AGMAT: variants seen among roughly 807,000 people sequenced by gnomAD.
AGMAT encodes agmatinase (putative).
AGMAT carries 37 observed loss-of-function variants against 29.3 expected under a neutral mutation model. The observed-to-expected ratio is 1.26, with a 90% CI of 0.97 to 1.66. The LOEUF is 1.66. Ranked by LOEUF, AGMAT falls within the 40% of genes most tolerant of loss-of-function variation. AGMAT has a pLI of 0.00. For missense variants in AGMAT, 498 were observed against 497.8 expected (o/e 1.00, Z 0.00); for synonymous variants, 199 against 200.8 (o/e 0.99, Z 0.08).
In AGMAT at chr1:15,574,631, G is replaced by A. The variant is rs967754141; in HGVS notation, c.985+126C>T. ...GACCTCAGGTGAGCTGCCCACCTTG[G>A]CCTCCCAAAGTGCTGGGATTACAGG... On this transcript the variant is annotated intron_variant, in intron 6 of 6. Transcript: ENST00000375826. 30 of 786,650 alleles carry A rather than the reference G, an allele frequency of 3.8e-5. No homozygotes were observed. In the African/African-American group the frequency reaches 4.3e-4, roughly 11 times the overall value. 48.7% of individuals were successfully genotyped at this position (786,650 alleles called of 1,614,324 possible).
At chr1:15,577,974 C>A in intron 4 of AGMAT, 110 bp from the exon 5 acceptor site, 1 of 1,043,548 alleles carries the variant, frequency 9.6e-7, no homozygotes. Context: ...CCTCCATCTC[C>A]ATGAAGAGGG....
chr1:15,579,118 C>T (rs760426939), intron 3 of AGMAT, 64 bp from the exon 4 acceptor site: 28 of 1,516,678 alleles, frequency 1.8e-5, no homozygotes, highest in East Asian at 1.2e-4. Context: ...AGCCACCCTT[C>T]GGGCCACCAA....
At chr1:15,575,077 T>C (rs1639018570) in intron 5 of AGMAT, 4 of 428,564 alleles carry the variant, frequency 9.3e-6, no homozygotes, top group South Asian at 7.4e-5. Flanking sequence ...ACCAATCGTT[T>C]CAATGTCATG....
rs1373962696 is a variant in AGMAT, at chr1:15,578,841, G to A, written c.720+18C>T. ...AGACATTTTGAGGGGCAAGGGTGGG[G>A]GGCATTCGGTCTGTCACCTGGCTCC... On this transcript the variant is annotated intron_variant, in intron 4 of 6. Coordinates refer to ENST00000375826, the MANE Select transcript of AGMAT (RefSeq NM_024758.5). 2 of 1,611,050 alleles carry A rather than the reference G, an allele frequency of 1.2e-6. No individual in the cohort carries two copies. The highest frequency in any genetic ancestry group is 3.3e-5 in the Admixed American group (2 of 59,904).
At chr1:15,576,767 T>TTTTG (rs1639045791) in intron 5 of AGMAT, among the ~76,000 whole-genome samples, 1 of 104,526 alleles carries the variant, frequency 9.6e-6, no homozygotes, top group African/African-American at 4.3e-5. Context: ...TTTTTTTTTT[T>TTTTG]GAGATGGAGT....
chr1:15,577,892 T>G (rs1388809203), intron 4 of AGMAT, 28 bp from the exon 5 acceptor site: 1 of 1,604,802 alleles, frequency 6.2e-7, no homozygotes. Context: ...GAGGTTTCTG[T>G]CTGGCAGCAT....
chr1:15,585,004 C>T lies in AGMAT; in HGVS notation c.-37G>A. On this transcript the variant is annotated 5_prime_UTR_variant, in exon 1 of 7. Coordinates refer to ENST00000375826, the MANE Select transcript of AGMAT (RefSeq NM_024758.5). Reference sequence around the variant, plus strand: ...GCCAAGACCTCACCGACCAAACCGCCCGCGAGGCCGCCGCGATCTGGCTGG... The same window carrying T: ...GCCAAGACCTCACCGACCAAACCGCTCGCGAGGCCGCCGCGATCTGGCTGG... The T allele has an allele frequency of 2.3e-6, 3 of 1,279,618 alleles. No individual in the cohort carries two copies. The highest frequency in any genetic ancestry group is 2.6e-5 in the South Asian group (1 of 38,476). 79.3% of individuals were successfully genotyped at this position (1,279,618 alleles called of 1,614,324 possible).
intron 6 of AGMAT, among the ~76,000 whole-genome samples, chr1:15,574,314 T>C (rs980627275): frequency 2.0e-5 from 3 of 151,990 alleles, no homozygotes; most frequent in Admixed American, 6.6e-5. Context: ...TGTGCAGTAA[T>C]AGGTGTGTTT....
rs1334768944 is a variant in AGMAT, at chr1:15,571,737, TG to T, written c.*1913del. 1 of 152,282 alleles carries T rather than the reference TG, an allele frequency of 6.6e-6. No homozygotes were observed. Among genetic ancestry groups the T allele is most frequent in the African/African-American group, 2.4e-5 (1 of 41,458 alleles). The allele number at this position is 152,282 out of a possible 1,614,324, so 9.4% of individuals were successfully genotyped here. ...AAACTATTTTAATGTCTGATAATTA[TG>T]GGGTAGCCCTTGCATTGCAAGATGA... On this transcript the variant is annotated 3_prime_UTR_variant, in exon 7 of 7. Transcript: ENST00000375826.
intron 3 of AGMAT, among the ~76,000 whole-genome samples, chr1:15,579,457 C>T (rs1639083466): frequency 6.6e-6 from 1 of 152,108 alleles, no homozygotes; most frequent in African/African-American, 2.4e-5. Flanking sequence ...TGCCAGCCAC[C>T]CAAAATAAAC....
chr1:15,578,013 G>A (rs1639062747), intron 4 of AGMAT, 149 bp from the exon 5 acceptor site: 1 of 752,728 alleles, frequency 1.3e-6, no homozygotes, highest in East Asian at 2.7e-5. Context: ...GTGAGGAAGG[G>A]AGGGACAATG....
chr1:15,576,740 CTTTTTTTTTTTTTT>C (rs59203066), intron 5 of AGMAT, among the ~76,000 whole-genome samples: 2 of 35,800 alleles, frequency 5.6e-5, no homozygotes, highest in East Asian at 1.9e-3. Context: ...GTTTAGTGTT[CTTTTTTTTTTTTTT>C]TTTTTTTTTT....
Position 15,574,778 on chromosome 1 carries a change from A to T in AGMAT, c.964T>A (p.Ser322Thr). The change falls in exon 6 of 7, where the codon TCA becomes ACA. Residue 322 changes from serine to threonine, a missense_variant. Coordinates refer to ENST00000375826, the MANE Select transcript of AGMAT (RefSeq NM_024758.5). ...NVMGCDLVEV[S>T]PPYDLSGNTA... is the part of the protein sequence containing the mutation. ...TCACCAGAAAGATCATACGGTGGTGAAACTTCGACAAGATCACAGCCCATC... is the reference window on the plus strand; with the variant it reads ...TCACCAGAAAGATCATACGGTGGTGTAACTTCGACAAGATCACAGCCCATC... 1.9e-6 allele frequency: 3 copies of T among 1,613,936 alleles called. No individual in the cohort carries two copies. The highest frequency in any genetic ancestry group is 2.5e-6 in the Non-Finnish European group (3 of 1,179,866).
At position 15,584,937 on chromosome 1, in the gene AGMAT, G is replaced by A; in HGVS notation, c.31C>T (p.Arg11Trp). MLRLLASGCA[R>W]GPGPGVGARP... The stretch of plus-strand genomic sequence containing the variant: ...GCGCCCACGCCGGGCCCCGGGCCCC[G>A]GGCGCACCCGGACGCCAGCAGCCTC... The change falls in exon 1 of 7, where the codon CGG becomes TGG. Residue 11 changes from arginine to tryptophan, a missense_variant. Arg to Trp is a moderately radical substitution (Grantham distance 101). Transcript: ENST00000375826. 2 of 1,365,840 alleles carry A rather than the reference G, an allele frequency of 1.5e-6. No homozygotes were observed. The highest frequency in any genetic ancestry group is 3.5e-5 in the South Asian group (2 of 56,530). The allele number at this position is 1,365,840 out of a possible 1,614,324, so 84.6% of individuals were successfully genotyped here. A position where few individuals can be genotyped will look rare whatever the true frequency, so the allele number is the denominator to read the frequency against.
chr1:15,573,330 A>T lies in AGMAT; in HGVS notation c.*321T>A. 2 of 249,554 alleles carry T rather than the reference A, an allele frequency of 8.0e-6. No homozygotes were observed. Among genetic ancestry groups the T allele is most frequent in the Non-Finnish European group, 1.6e-5 (2 of 126,636 alleles). The allele number at this position is 249,554 out of a possible 1,614,324, so 15.5% of individuals were successfully genotyped here. A position where few individuals can be genotyped will look rare whatever the true frequency, so the allele number is the denominator to read the frequency against. ...TACAGTATTATTTCATAGTTTTTTTAAATGTCATGTTTCTAATGTTTAGAT... is the reference window on the plus strand; with the variant it reads ...TACAGTATTATTTCATAGTTTTTTTTAATGTCATGTTTCTAATGTTTAGAT... On this transcript the variant is annotated 3_prime_UTR_variant, in exon 7 of 7. Transcript: ENST00000375826.
chr1:15,580,757 C>G (rs555922768), intron 2 of AGMAT, among the ~76,000 whole-genome samples: 5 of 152,006 alleles, frequency 3.3e-5, no homozygotes, highest in South Asian at 2.1e-4. Flanking sequence ...GGGCAGGTCA[C>G]CTGATGTTGG....
In AGMAT at chr1:15,584,905, A is replaced by G. The variant is rs1294000242; in HGVS notation, c.63T>C (p.Pro21=). The change falls in exon 1 of 7, where the codon CCT becomes CCC. Residue 21 remains proline, a synonymous_variant. Transcript: ENST00000375826. ...RGPGPGVGAR[P]AAGLFHPGRR... is the part of the protein sequence containing the mutation. ...GCCCCGGATGAAAGAGCCCTGCGGC[A>G]GGACGCGCGCCCACGCCGGGCCCCG... 2.9e-6 allele frequency: 4 copies of G among 1,391,414 alleles called. No individual in the cohort carries two copies. The highest frequency in any genetic ancestry group is 3.7e-6 in the Non-Finnish European group (4 of 1,080,968). The allele number at this position is 1,391,414 out of a possible 1,614,324, so 86.2% of individuals were successfully genotyped here. A position where few individuals can be genotyped will look rare whatever the true frequency, so the allele number is the denominator to read the frequency against.
At chr1:15,584,290 G>C (rs986365226) in intron 1 of AGMAT, among the ~76,000 whole-genome samples, 1 of 150,340 alleles carries the variant, frequency 6.7e-6, no homozygotes, top group Non-Finnish European at 1.5e-5. Context: ...TTACAGGCCC[G>C]CGCCACCATG....
At position 15,573,366 on chromosome 1, in the gene AGMAT, G is replaced by A; in HGVS notation, c.*285C>T. On this transcript the variant is annotated 3_prime_UTR_variant, in exon 7 of 7. Coordinates refer to ENST00000375826, the MANE Select transcript of AGMAT (RefSeq NM_024758.5). ...TTCTAATGTTTAGATAATCTTGAAA[G>A]AAATTCTCCTCACTTCCCCTTTATC... The A allele has an allele frequency of 3.1e-6, 1 of 325,188 alleles. No homozygotes were observed. The highest frequency in any genetic ancestry group is 5.7e-6 in the Non-Finnish European group (1 of 173,938). 20.1% of individuals were successfully genotyped at this position (325,188 alleles called of 1,614,324 possible).
Sources: gnomAD v4.1 joint callset for allele counts (sites outside exome capture counted in the v4.1 genomes callset) on GRCh38, gnomAD v4.1.1 for gene constraint, MANE v1.5 for transcripts, NCBI Gene and HGNC (gene_info 2026-07-23, HGNC 2026-07-21) for gene names.